NALF1: variants seen among roughly 807,000 people sequenced by gnomAD.
The protein encoded by NALF1 is NALCN channel auxiliary factor 1.
A neutral mutation model predicts 48.4 loss-of-function variants in NALF1; 3 were observed. The observed-to-expected ratio is 0.06, with a 90% CI of 0.03 to 0.16. The LOEUF is 0.16. Among genes scored for constraint, NALF1 ranks in the 10% least tolerant of loss-of-function variants. NALF1 has a pLI of 1.00. For synonymous variants in NALF1, 262 were observed against 245.7 expected (o/e 1.07, Z -0.62); for missense variants, 526 against 571.5 (o/e 0.92, Z 0.81).
intron 1 of NALF1, among the ~76,000 whole-genome samples, chr13:107,611,033 G>C (rs1459015577): frequency 6.6e-6 from 1 of 152,170 alleles, no homozygotes; most frequent in Non-Finnish European, 1.5e-5. Flanking sequence ...GGAAAACGGA[G>C]CACTCTCCGT....
chr13:107,219,047 C>A (rs537735129), intron 1 of NALF1, among the ~76,000 whole-genome samples: 1 of 152,266 alleles, frequency 6.6e-6, no homozygotes, highest in Admixed American at 6.5e-5. Flanking sequence ...TCTCTTTTAA[C>A]AAGCTGCCTT....
At chr13:107,212,132 T>A (rs558040400) in intron 1 of NALF1, among the ~76,000 whole-genome samples, 2 of 152,336 alleles carry the variant, frequency 1.3e-5, no homozygotes, top group Non-Finnish European at 2.9e-5. Flanking sequence ...CGGGTCAATA[T>A]CTATTTGGTA....
At chr13:107,474,732 G>A (rs540990759) in intron 1 of NALF1, among the ~76,000 whole-genome samples, 1 of 152,266 alleles carries the variant, frequency 6.6e-6, no homozygotes, top group South Asian at 2.1e-4. Context: ...ATCCAAGTAC[G>A]TATATGGGTA....
At chr13:107,817,650 A>G (rs577643851) in intron 1 of NALF1, among the ~76,000 whole-genome samples, 3 of 152,290 alleles carry the variant, frequency 2.0e-5, no homozygotes, top group African/African-American at 4.8e-5. Flanking sequence ...ATCACCAAAT[A>G]TAAAGGACAT....
chr13:107,421,624 C>A (rs181592767), intron 1 of NALF1, among the ~76,000 whole-genome samples: 2 of 151,986 alleles, frequency 1.3e-5, no homozygotes, highest in Admixed American at 6.6e-5. Context: ...ACCAGAAAGA[C>A]AAACGAGAGG....
chr13:107,741,482 G>T (rs1350107624), intron 1 of NALF1, among the ~76,000 whole-genome samples: 1 of 151,058 alleles, frequency 6.6e-6, no homozygotes, highest in African/African-American at 2.4e-5. Flanking sequence ...ACTATCGTAT[G>T]TAGGAGCAAT....
chr13:107,628,612 C>G (rs1020773644), intron 1 of NALF1, among the ~76,000 whole-genome samples: 6 of 152,092 alleles, frequency 3.9e-5, no homozygotes, highest in African/African-American at 1.4e-4. Context: ...ATATGTTTCA[C>G]GTTAAAGAAA....
chr13:107,410,104 G>GTT (rs1883964590), intron 1 of NALF1, among the ~76,000 whole-genome samples: 1 of 152,182 alleles, frequency 6.6e-6, no homozygotes, highest in Non-Finnish European at 1.5e-5. Flanking sequence ...ATATTCTAAA[G>GTT]TAACAATGCT....
chr13:107,797,257 G>A (rs193159064), intron 1 of NALF1, among the ~76,000 whole-genome samples: 236 of 152,178 alleles, frequency 1.6e-3, no homozygotes, highest in African/African-American at 5.4e-3. Context: ...CCAGGCTGGA[G>A]TGCAGTGGCA....
intron 1 of NALF1, among the ~76,000 whole-genome samples, chr13:107,490,555 C>G (rs933844213): frequency 1.3e-5 from 2 of 152,074 alleles, no homozygotes; most frequent in African/African-American, 4.8e-5. Context: ...ACACTGCAGC[C>G]TATCATAGGG....
chr13:107,365,636 G>A (rs1460708057), intron 1 of NALF1, among the ~76,000 whole-genome samples: 1 of 152,178 alleles, frequency 6.6e-6, no homozygotes, highest in African/African-American at 2.4e-5. Context: ...GGGAATGGTT[G>A]ACCTCTTGCA....
chr13:107,645,093 G>A (rs1346576122), intron 1 of NALF1, among the ~76,000 whole-genome samples: 5 of 152,102 alleles, frequency 3.3e-5, no homozygotes, highest in Non-Finnish European at 7.3e-5. Flanking sequence ...AAATAATGCT[G>A]CTATAAATAC....
At chr13:107,649,992 AG>A (rs1484290025) in intron 1 of NALF1, among the ~76,000 whole-genome samples, 6 of 152,200 alleles carry the variant, frequency 3.9e-5, no homozygotes, top group African/African-American at 1.4e-4. Context: ...TAGAACTTAA[AG>A]AACTACAGAT....
chr13:107,435,454 C>A (rs981614893), intron 1 of NALF1, among the ~76,000 whole-genome samples: 5 of 152,088 alleles, frequency 3.3e-5, no homozygotes, highest in African/African-American at 1.2e-4. Flanking sequence ...TTTCTCTCAG[C>A]GGTGAATCTG....
intron 1 of NALF1, among the ~76,000 whole-genome samples, chr13:107,303,385 T>G (rs1881875329): frequency 6.6e-6 from 1 of 152,218 alleles, no homozygotes; most frequent in South Asian, 2.1e-4. Flanking sequence ...TTTATTTACT[T>G]CTCTATAGAT....
chr13:107,650,173 T>C (rs1880413580), intron 1 of NALF1, among the ~76,000 whole-genome samples: 1 of 152,050 alleles, frequency 6.6e-6, no homozygotes, highest in Non-Finnish European at 1.5e-5. Context: ...AGTTTCGATT[T>C]ATCTGATAAG....
chr13:107,400,747 T>G (rs1358511082), intron 1 of NALF1, among the ~76,000 whole-genome samples: 1 of 151,984 alleles, frequency 6.6e-6, no homozygotes, highest in Non-Finnish European at 1.5e-5. Flanking sequence ...AAATTAAAAT[T>G]TACCTCATGT....
At chr13:107,247,867 C>T (rs571615959) in intron 1 of NALF1, among the ~76,000 whole-genome samples, 25 of 152,226 alleles carry the variant, frequency 1.6e-4, no homozygotes, top group Admixed American at 1.4e-3. Context: ...AACATAGAAA[C>T]GAGCTGAATA....
At chr13:107,551,612 G>C (rs985421439) in intron 1 of NALF1, among the ~76,000 whole-genome samples, 8 of 151,964 alleles carry the variant, frequency 5.3e-5, no homozygotes, top group African/African-American at 1.9e-4. Context: ...CAAGATTGAC[G>C]GTTGGGAAGC....
Sources: allele counts gnomAD v4.1 joint callset (sites outside exome capture counted in the v4.1 genomes callset), GRCh38; gene constraint gnomAD v4.1.1; transcripts MANE v1.5; gene names NCBI Gene and HGNC (gene_info 2026-07-23, HGNC 2026-07-21).